The following KNDC1 variants were observed in gnomAD, a reference collection of about 807,000 sequenced individuals.
KNDC1 encodes kinase non-catalytic C-lobe domain-containing protein 1.
KNDC1 carries 106 observed loss-of-function variants against 172.8 expected under a neutral mutation model. The observed-to-expected ratio is 0.61, with a 90% CI of 0.52 to 0.72. The LOEUF (loss-of-function observed/expected upper bound fraction) is 0.72, where lower values mean the gene tolerates loss of function less well. Ranked by LOEUF, KNDC1 falls within the 30% of genes least tolerant of loss-of-function variation. The probability of loss-of-function intolerance (pLI) is 0.00; values close to 1 mark genes in which losing one functional copy is unlikely to be tolerated. For synonymous variants in KNDC1, 1,083 were observed against 1,062.2 expected, an observed-to-expected ratio of 1.02 and a Z score of -0.38; for missense variants, 2,325 against 2,394.5, an observed-to-expected ratio of 0.97 and a Z score of 0.61.
At position 133,224,692 on chromosome 10, in the gene KNDC1, G is replaced by C. The variant is rs1273715697; in HGVS notation, c.5052G>C (p.Ala1684=). The C allele has an allele frequency of 6.2e-7, 1 of 1,614,016 alleles. No homozygotes were observed. The highest frequency in any genetic ancestry group is 8.5e-7 in the Non-Finnish European group (1 of 1,180,016). Residue 1684 remains alanine, a synonymous_variant, in exon 30 of 30, where the codon GCG becomes GCC. Transcript: ENST00000304613. The surrounding 1 kb of genome is among the most constrained non-coding windows in gnomAD (Gnocchi z 5.4). ...CAAAGGTGGTGAGCCAGGTGCACGC[G>C]TTCCAGGAGAACCCTTACACCTTCA... ...NIAKVVSQVH[A]FQENPYTFSP...
chr10:133,224,899 G>C lies in KNDC1; in HGVS notation c.*9G>C, dbSNP rs372324411. The C allele has an allele frequency of 3.1e-6, 5 of 1,604,440 alleles. No individual in the cohort carries two copies. The highest frequency in any genetic ancestry group is 4.3e-6 in the Non-Finnish European group (5 of 1,172,352). On this transcript the variant is annotated 3_prime_UTR_variant, in exon 30 of 30. Transcript: ENST00000304613. This position sits in a 1 kb window ranked among gnomAD's most constrained non-coding sequence, Gnocchi z 5.4. ...AGGCTACATTCCAGTAGCCGAGCTCGGGCCTGGTGTGGAATTCCAGATCCG... is the reference window on the plus strand; with the variant it reads ...AGGCTACATTCCAGTAGCCGAGCTCCGGCCTGGTGTGGAATTCCAGATCCG...
Position 133,225,375 on chromosome 10 carries a change from C to T in KNDC1, c.*485C>T, listed in dbSNP as rs1845699299. 1 of 176,330 alleles carries T rather than the reference C, an allele frequency of 5.7e-6. No individual in the cohort carries two copies. The highest frequency in any genetic ancestry group is 1.2e-5 in the Non-Finnish European group (1 of 83,426). 10.9% of individuals were successfully genotyped at this position (176,330 alleles called of 1,614,324 possible). A position where few individuals can be genotyped will look rare whatever the true frequency, so the allele number is the denominator to read the frequency against. ...CCAAAGCTGACCTCTGAGTGGCCAA[C>T]TGCAGCTCCCAGGGACTCCGAGACC... On this transcript the variant is annotated 3_prime_UTR_variant, in exon 30 of 30. Coordinates refer to ENST00000304613, the MANE Select transcript of KNDC1 (RefSeq NM_152643.8).
intron 26 of KNDC1, among the ~76,000 whole-genome samples, chr10:133,217,693 T>C (rs1450814564): frequency 6.6e-6 from 1 of 151,862 alleles, no homozygotes; most frequent in Non-Finnish European, 1.5e-5. Context: ...ACAAAAATTA[T>C]CACGGCTGTG....
chr10:133,200,501 C>A, intron 16 of KNDC1, 41 bp downstream of exon 16: 1 of 1,425,302 alleles, frequency 7.0e-7, no homozygotes, highest in Non-Finnish European at 9.3e-7. Flanking sequence ...CTCTGCTGGG[C>A]GGCTCCTCTG....
intron 24 of KNDC1, 43 bp downstream of exon 24, chr10:133,212,965 G>C: frequency 6.4e-7 from 1 of 1,566,042 alleles, no homozygotes. Flanking sequence ...CTGCGAGTCG[G>C]GGCCCCAGAA....
intron 24 of KNDC1, 37 bp downstream of exon 24, chr10:133,212,959 G>C: frequency 6.4e-7 from 1 of 1,573,436 alleles, no homozygotes; most frequent in Non-Finnish European, 8.7e-7. Context: ...GGTCACCTGC[G>C]AGTCGGGGCC....
intron 23 of KNDC1, among the ~76,000 whole-genome samples, chr10:133,212,276 C>G (rs931126858): frequency 6.6e-6 from 1 of 151,704 alleles, no homozygotes; most frequent in African/African-American, 2.4e-5. Flanking sequence ...CACCCGCACA[C>G]GCATCCACAC....
chr10:133,203,253 A>C (rs12766362), intron 17 of KNDC1, among the ~76,000 whole-genome samples: 1 of 113,682 alleles, frequency 8.8e-6, no homozygotes, highest in East Asian at 2.8e-4. Context: ...AAACGCACAG[A>C]GTCCAGCGGG....
chr10:133,193,103 G>T (rs1027762355), intron 9 of KNDC1, among the ~76,000 whole-genome samples: 2 of 53,474 alleles, frequency 3.7e-5, no homozygotes, highest in Non-Finnish European at 1.1e-4. Flanking sequence ...TACACATATG[G>T]GGGGGGAAAA....
In KNDC1 at chr10:133,220,199, G is replaced by A. The variant is rs1484181153; in HGVS notation, c.5018+87G>A. 7 of 946,648 alleles carry A rather than the reference G, an allele frequency of 7.4e-6. 1 individual carries two copies. The highest frequency in any genetic ancestry group is 7.3e-4 in the Middle Eastern group (2 of 2,732). The allele number at this position is 946,648 out of a possible 1,614,324, so 58.6% of individuals were successfully genotyped here. A position where few individuals can be genotyped will look rare whatever the true frequency, so the allele number is the denominator to read the frequency against. On this transcript the variant is annotated intron_variant, in intron 29 of 29. Transcript: ENST00000304613. ...CAGGAGAGGAGGGGCTCAGGCGGCC[G>A]CGCGCCCAGGAGAGGAGGGGCTCAG...
chr10:133,201,449 G>C, intron 16 of KNDC1, 52 bp from the exon 17 acceptor site: 7 of 1,531,956 alleles, frequency 4.6e-6, no homozygotes, highest in Non-Finnish European at 6.1e-6. Context: ...GCCTGCCCGG[G>C]CTCCGCCCAC....
At chr10:133,198,231 G>A (rs969503971) in intron 12 of KNDC1, 106 bp from the exon 13 acceptor site, 43 of 1,313,522 alleles carry the variant, frequency 3.3e-5, no homozygotes, top group Non-Finnish European at 3.8e-5. Flanking sequence ...GAGGGGACGC[G>A]GCACCACGCA....
chr10:133,170,009 G>A (rs540372742), intron 3 of KNDC1, among the ~76,000 whole-genome samples: 2 of 152,218 alleles, frequency 1.3e-5, no homozygotes, highest in Non-Finnish European at 2.9e-5. Context: ...AAGACTTGAG[G>A]CCATCTGTGA....
intron 12 of KNDC1, 32 bp from the exon 13 acceptor site, chr10:133,198,305 C>T (rs1457743447): frequency 6.6e-7 from 1 of 1,523,702 alleles, no homozygotes; most frequent in African/African-American, 1.4e-5. Context: ...GCCACTCCGC[C>T]CGCCCACACC....
chr10:133,178,797 G>A (rs1312342770), intron 3 of KNDC1: 1 of 152,216 alleles, frequency 6.6e-6, no homozygotes, highest in East Asian at 1.9e-4. Context: ...GTTCCTACCA[G>A]GGCCCACCGG....
At position 133,222,079 on chromosome 10, in the gene KNDC1, C is replaced by A. The variant is rs545832832; in HGVS notation, c.5018+1967C>A. 2.0e-5 allele frequency among the ~76,000 whole-genome samples: 3 copies of A among 149,896 alleles called. 1 individual carries two copies. Among genetic ancestry groups the A allele is most frequent in the Non-Finnish European group, 4.5e-5 (3 of 67,400 alleles). ...GGCGGATCACTTGAGGTCAGGAGTT[C>A]AAGACCAGCCTGGCCAACATGGTGA... is the stretch of plus-strand genomic sequence containing the variant. On this transcript the variant is annotated intron_variant, in intron 29 of 29. Transcript: ENST00000304613.
chr10:133,167,266 C>T, intron 1 of KNDC1, 115 bp from the exon 2 acceptor site: 1 of 961,012 alleles, frequency 1.0e-6, no homozygotes, highest in African/African-American at 1.6e-5. Context: ...TTCCCTGACC[C>T]ACGCGTTGAA....
At chr10:133,204,656 C>T (rs975448498) in intron 17 of KNDC1, among the ~76,000 whole-genome samples, 2 of 152,230 alleles carry the variant, frequency 1.3e-5, no homozygotes, top group African/African-American at 2.4e-5. Context: ...ATAGAAATGT[C>T]GCCTGCATTT....
At position 133,186,033 on chromosome 10, in the gene KNDC1, C is replaced by T. The variant is rs369945706; in HGVS notation, c.685C>T (p.Pro229Ser). The T allele has an allele frequency of 3.7e-6, 6 of 1,600,650 alleles. No individual in the cohort carries two copies. The highest frequency in any genetic ancestry group is 1.7e-5 in the Admixed American group (1 of 58,396). ...CCCAGGAAACGCTGGGCCCAGGAGG[C>T]CGCCCGGGGACCCCAGCACTGACCC... ...PAPGNAGPRR[P>S]PGDPSTDPEV... Residue 229 changes from proline (P) to serine (S), a missense_variant, in exon 6 of 30, where the codon CCG (proline) becomes TCG (serine). By Grantham distance (74) the Pro-to-Ser change is moderately conservative. Coordinates refer to ENST00000304613, the MANE Select transcript of KNDC1 (RefSeq NM_152643.8).
Sources: gnomAD v4.1 joint callset for allele counts (sites outside exome capture counted in the v4.1 genomes callset) on GRCh38, gnomAD v4.1.1 for gene constraint, Gnocchi (gnomAD v3.1) non-coding constraint, MANE v1.5 for transcripts, NCBI Gene and HGNC (gene_info 2026-07-23, HGNC 2026-07-21) for gene names.